Variants in TBX1 observed in about 807,000 individuals in gnomAD.
TBX1 encodes the protein T-box transcription factor TBX1.
A neutral mutation model predicts 40.8 loss-of-function variants in TBX1; 16 were observed. That is an observed-to-expected ratio of 0.39 (90% CI 0.27 to 0.60). TBX1 has a LOEUF of 0.60. Ranked by LOEUF, TBX1 falls within the 20% of genes least tolerant of loss-of-function variation. TBX1 has a pLI of 0.51. For synonymous variants in TBX1, 403 were observed against 336.8 expected, an observed-to-expected ratio of 1.20 and a Z score of -2.15; for missense variants, 755 against 728.5, an observed-to-expected ratio of 1.04 and a Z score of -0.42.
chr22:19,767,744 G>A (rs1409987254), downstream of TBX1, among the ~76,000 whole-genome samples: 5 of 152,250 alleles, frequency 3.3e-5, no homozygotes, highest in Non-Finnish European at 7.3e-5. Flanking sequence ...GCTTTTCCAT[G>A]GAAGCTGGGA....
chr22:19,774,363 C>T (rs1009498164), intron 8 of TBX1, among the ~76,000 whole-genome samples: 6 of 152,182 alleles, frequency 3.9e-5, no homozygotes, highest in African/African-American at 9.7e-5. Context: ...CAGTGAGCTA[C>T]GATCACACCA....
chr22:19,765,286 C>T lies in TBX1; in HGVS notation c.867+173C>T, dbSNP rs550274824. On this transcript the variant is annotated intron_variant, in intron 4 of 6. Transcript: ENST00000649276. Reference sequence around the variant, plus strand: ...AAGGGCCTCAGGCAGCCCCCTCCCTCTCGAGGCTGGCCGGCCCAGCCTCCT... The same window carrying T: ...AAGGGCCTCAGGCAGCCCCCTCCCTTTCGAGGCTGGCCGGCCCAGCCTCCT... Among the ~76,000 whole-genome samples the T allele has an allele frequency of 9.8e-5, 15 of 152,320 alleles. No individual in the cohort carries two copies. The East Asian group carries it at 2.7e-3, about 27-fold the overall frequency.
Position 19,766,393 on chromosome 22 carries a change from G to C in TBX1, c.1041G>C (p.Ala347=). Residue 347 remains alanine, a synonymous_variant, in exon 7 of 7, where the codon GCG becomes GCC. Coordinates refer to ENST00000649276, the MANE Select transcript of TBX1 (RefSeq NM_001379200.1). The part of the protein sequence containing the change: ...PTQPSGTEKD[A]AEARREFQRD... ...ACTCCTCGGCCCTCTCCGCAGACGC[G>C]GCTGAGGCCCGGCGAGAATTCCAGC... 7.5e-7 allele frequency: 1 copy of C among 1,336,938 alleles called. No individual in the cohort carries two copies. Among genetic ancestry groups the C allele is most frequent in the Non-Finnish European group, 9.6e-7 (1 of 1,044,030 alleles). 82.8% of individuals were successfully genotyped at this position (1,336,938 alleles called of 1,614,324 possible).
upstream of TBX1, among the ~76,000 whole-genome samples, chr22:19,757,584 C>A (rs530723292): frequency 6.6e-6 from 1 of 152,348 alleles, no homozygotes; most frequent in East Asian, 1.9e-4. Context: ...CCCCCACCGA[C>A]TGGCCCAGGC....
chr22:19,766,740 A>T lies in TBX1; in HGVS notation c.1388A>T (p.His463Leu). 6.5e-7 allele frequency: 1 copy of T among 1,541,300 alleles called. No homozygotes were observed. The highest frequency in any genetic ancestry group is 8.7e-7 in the Non-Finnish European group (1 of 1,154,478). ...TACCACCCGCACGCGCATCCGCACC[A>T]CCACCACCACCCCGTGAGTCCAGCC... ...HGYHPHAHPH[H>L]HHHPVSPAAA... is the part of the protein sequence containing the mutation. Residue 463 changes from histidine to leucine, a missense_variant, in exon 7 of 7, where the codon CAC becomes CTC. Physicochemically the swap from His to Leu is moderately conservative, Grantham distance 99. Around this residue, in one of 3 missense-constraint regions of TBX1, gnomAD observed 412 missense variants for 317.6 expected, o/e 1.30. Coordinates refer to ENST00000649276, the MANE Select transcript of TBX1 (RefSeq NM_001379200.1).
At chr22:19,782,331 AGT>A (rs1413616098), downstream of TBX1, among the ~76,000 whole-genome samples, 11 of 152,168 alleles carry the variant, frequency 7.2e-5, no homozygotes, top group Non-Finnish European at 1.3e-4. Flanking sequence ...TTCTTTCAGC[AGT>A]GTTTTATAGA....
downstream of TBX1, among the ~76,000 whole-genome samples, chr22:19,781,636 A>G (rs1937143955): frequency 6.6e-6 from 1 of 152,158 alleles, no homozygotes; most frequent in Non-Finnish European, 1.5e-5. Flanking sequence ...AATGTCATGA[A>G]GCTTTTGGCC....
Position 19,766,789 on chromosome 22 carries a change from CGCAGCT to C in TBX1, c.1440_1445del (p.Ala484_Ala485del). The C allele has an allele frequency of 4.0e-6, 6 of 1,502,688 alleles. No individual in the cohort carries two copies. The highest frequency in any genetic ancestry group is 5.3e-6 in the Non-Finnish European group (6 of 1,141,414). 93.1% of individuals were successfully genotyped at this position (1,502,688 alleles called of 1,614,324 possible). On this transcript the variant is annotated inframe_deletion, in exon 7 of 7. Transcript: ENST00000649276. ...CCGCCGCGGCCGCCGCCGCCGCTGCCGCAGCTGCCGCGGCCGCCAACATGTACTCGT... is the reference window on the plus strand; with the variant it reads ...CCGCCGCGGCCGCCGCCGCCGCTGCCGCCGCGGCCGCCAACATGTACTCGT...
chr22:19,766,530 C>A lies in TBX1; in HGVS notation c.1178C>A (p.Pro393Gln), dbSNP rs918788695. Residue 393 changes from proline to glutamine, a missense_variant, in exon 7 of 7, where the codon CCG (proline) becomes CAG (glutamine). Pro to Gln is a moderately conservative substitution (Grantham distance 76). Around this residue, in one of 3 missense-constraint regions of TBX1, gnomAD observed 412 missense variants for 317.6 expected, o/e 1.30. Coordinates refer to ENST00000649276, the MANE Select transcript of TBX1 (RefSeq NM_001379200.1). ...PGAGGAGGLV[P>Q]LPGAPGGRPS... is the part of the protein sequence containing the mutation. ...GCCGGCGGCGCCGGCGGCTTAGTCC[C>A]GCTGCCCGGCGCGCCCGGAGGCCGG... 144 of 1,341,562 alleles carry A rather than the reference C, an allele frequency of 1.1e-4. No individual in the cohort carries two copies. The highest frequency in any genetic ancestry group is 1.4e-4 in the Non-Finnish European group (142 of 1,051,228). The allele number at this position is 1,341,562 out of a possible 1,614,324, so 83.1% of individuals were successfully genotyped here. A position where few individuals can be genotyped will look rare whatever the true frequency, so the allele number is the denominator to read the frequency against.
chr22:19,766,557 C>A lies in TBX1; in HGVS notation c.1205C>A (p.Pro402His). 1 of 1,414,976 alleles carries A rather than the reference C, an allele frequency of 7.1e-7. No individual in the cohort carries two copies. The highest frequency in any genetic ancestry group is 9.2e-7 in the Non-Finnish European group (1 of 1,084,308). 87.7% of individuals were successfully genotyped at this position (1,414,976 alleles called of 1,614,324 possible). A position where few individuals can be genotyped will look rare whatever the true frequency, so the allele number is the denominator to read the frequency against. Residue 402 changes from proline to histidine, a missense_variant, in exon 7 of 7, where the codon CCC becomes CAC. Transcript: ENST00000649276. ...VPLPGAPGGR[P>H]SPPNPELRLE... The stretch of plus-strand genomic sequence containing the variant: ...CTGCCCGGCGCGCCCGGAGGCCGGC[C>A]CAGTCCCCCGAACCCCGAGCTGCGC...
upstream of TBX1, among the ~76,000 whole-genome samples, chr22:19,758,418 G>A (rs568420968): frequency 5.9e-5 from 9 of 152,308 alleles, no homozygotes; most frequent in Admixed American, 2.6e-4. Context: ...ACTGGTTAGA[G>A]GAGACCCTGG....
At chr22:19,759,376 TG>T, upstream of TBX1, 3 of 602,586 alleles carry the variant, frequency 5.0e-6, no homozygotes, top group South Asian at 7.3e-5. Flanking sequence ...CAGGGGCCCC[TG>T]GCAGTGAGTG....
chr22:19,764,357 C>T (rs1267613716), intron 3 of TBX1, 31 bp downstream of exon 3: 1 of 1,604,346 alleles, frequency 6.2e-7, no homozygotes, highest in East Asian at 2.2e-5. Flanking sequence ...GCTCCGGTGT[C>T]CCCCAAGGCC....
chr22:19,759,293 G>A (rs545893225), upstream of TBX1, among the ~76,000 whole-genome samples: 43 of 152,342 alleles, frequency 2.8e-4, no homozygotes, highest in South Asian at 8.7e-3. Flanking sequence ...CTTCCAGGGT[G>A]CTCCACCCGT....
chr22:19,763,965 G>T (rs1390143765), intron 2 of TBX1, among the ~76,000 whole-genome samples, 190 bp from the exon 3 acceptor site: 1 of 152,186 alleles, frequency 6.6e-6, no homozygotes, highest in Non-Finnish European at 1.5e-5. Flanking sequence ...TTTGAGTGTT[G>T]GGGTGGGTGG....
Position 19,766,537 on chromosome 22 carries a change from C to A in TBX1, c.1185C>A (p.Pro395=). The change falls in exon 7 of 7, where the codon CCC becomes CCA. Residue 395 remains proline (P), a synonymous_variant. Transcript: ENST00000649276. ...AGGAGGLVPL[P]GAPGGRPSPP... ...GCGCCGGCGGCTTAGTCCCGCTGCC[C>A]GGCGCGCCCGGAGGCCGGCCCAGTC... 1 of 1,346,562 alleles carries A rather than the reference C, an allele frequency of 7.4e-7. No homozygotes were observed. Among genetic ancestry groups the A allele is most frequent in the Non-Finnish European group, 9.5e-7 (1 of 1,053,708 alleles). The allele number at this position is 1,346,562 out of a possible 1,614,324, so 83.4% of individuals were successfully genotyped here.
At chr22:19,762,943 G>A (rs1211041126) in intron 1 of TBX1, among the ~76,000 whole-genome samples, 3 of 152,206 alleles carry the variant, frequency 2.0e-5, no homozygotes, top group Admixed American at 6.5e-5. Context: ...CAGCAAGGGC[G>A]AGGCCGAGTT....
intron 8 of TBX1, among the ~76,000 whole-genome samples, chr22:19,772,669 C>T (rs1267868831): frequency 1.3e-5 from 2 of 152,132 alleles, no homozygotes; most frequent in African/African-American, 4.8e-5. Context: ...TCCTTTATCT[C>T]AGAATATGTT....
intron 1 of TBX1, 79 bp from the exon 2 acceptor site, chr22:19,763,162 G>A: frequency 8.5e-7 from 1 of 1,179,308 alleles, no homozygotes; most frequent in Admixed American, 1.7e-5. Context: ...GGGCCGAGCA[G>A]AGGGGCCGCC....
Sources: gnomAD v4.1 joint callset for allele counts (sites outside exome capture counted in the v4.1 genomes callset) on GRCh38, gnomAD v4.1.1 for gene constraint, gnomAD v4.1.1 regional missense constraint, MANE v1.5 for transcripts, NCBI Gene and HGNC (gene_info 2026-07-23, HGNC 2026-07-21) for gene names.